NRXN2: variants seen among roughly 807,000 people sequenced by gnomAD.
The protein encoded by NRXN2 is neurexin 2.
NRXN2 carries 29 observed loss-of-function variants against 128.8 expected under a neutral mutation model. The observed-to-expected ratio is 0.23, with a 90% confidence interval of 0.17 to 0.31. The LOEUF (loss-of-function observed/expected upper bound fraction) is 0.31. Among genes scored for constraint, NRXN2 ranks in the 10% least tolerant of loss-of-function variants. NRXN2 has a pLI of 1.00. For synonymous variants in NRXN2, 1,098 were observed against 1,075.2 expected (o/e 1.02, Z -0.41); for missense variants, 1,881 against 2,452.6 (o/e 0.77, Z 4.92).
chr11:64,633,668 C>G (rs2044266488), intron 18 of NRXN2, among the ~76,000 whole-genome samples: 1 of 152,148 alleles, frequency 6.6e-6, no homozygotes, highest in South Asian at 2.1e-4. Context: ...TCTATAGATA[C>G]ACTCCATCAG....
intron 2 of NRXN2, among the ~76,000 whole-genome samples, chr11:64,706,775 C>T (rs1427560152): frequency 2.0e-5 from 3 of 152,086 alleles, no homozygotes; most frequent in South Asian, 2.1e-4. Context: ...AATCAATGTT[C>T]GAGGCCAATT....
chr11:64,698,162 C>T (rs188826503), intron 2 of NRXN2, among the ~76,000 whole-genome samples: 19 of 152,322 alleles, frequency 1.2e-4, no homozygotes, highest in African/African-American at 4.3e-4. Flanking sequence ...CCCAGAGAGG[C>T]TCCTACCCTG....
Position 64,653,714 on chromosome 11 carries a change from G to T in NRXN2, c.2398C>A (p.Arg800Ser). ...CACTTACTGGGTGCGCAGCCGACGC[G>T]CAGGCAGTCTGGGGGGGCCATGGGG... ...MKLTVNLDCLRVGCAPSKGPE... is the reference protein window; with the variant it reads ...MKLTVNLDCLSVGCAPSKGPE... The change falls in exon 12 of 23, where the codon CGC becomes AGC. Residue 800 changes from arginine to serine, a missense_variant. Physicochemically the swap from Arg to Ser is moderately radical, Grantham distance 110. This residue lies in a region of NRXN2 where 997 missense variants were observed against 1,240.8 expected (regional missense o/e 0.80). Transcript: ENST00000265459. 6.3e-7 allele frequency: 1 copy of T among 1,595,020 alleles called. No homozygotes were observed. The highest frequency in any genetic ancestry group is 1.1e-5 in the South Asian group (1 of 87,244).
chr11:64,665,011 G>A (rs1019059904), intron 9 of NRXN2, among the ~76,000 whole-genome samples: 2 of 139,390 alleles, frequency 1.4e-5, no homozygotes, highest in Non-Finnish European at 3.1e-5. Context: ...GGCCGGGCGC[G>A]GTGGCTCACG....
At chr11:64,704,623 C>CACACACAGAGAGAGAG (rs1336665936) in intron 2 of NRXN2, among the ~76,000 whole-genome samples, 8 of 81,206 alleles carry the variant, frequency 9.9e-5, no homozygotes, top group South Asian at 5.8e-4. Context: ...CACACACACA[C>CACACACAGAGAGAGAG]AGAGAGAGAG....
chr11:64,693,166 C>A (rs562351452), intron 3 of NRXN2, among the ~76,000 whole-genome samples: 1 of 111,042 alleles, frequency 9.0e-6, no homozygotes. Flanking sequence ...GAGAGGGGTA[C>A]AGGCAGAACT....
At chr11:64,608,275 C>T (rs2040035416) in intron 22 of NRXN2, among the ~76,000 whole-genome samples, 193 bp from the exon 23 acceptor site, 1 of 152,156 alleles carries the variant, frequency 6.6e-6, no homozygotes. Flanking sequence ...GGCTCAGATG[C>T]CCTGGGCACC....
Position 64,713,743 on chromosome 11 carries a change from A to T in NRXN2, c.-44T>A. 8.0e-6 allele frequency: 8 copies of T among 1,004,576 alleles called. No homozygotes were observed. The highest frequency in any genetic ancestry group is 9.5e-6 in the Non-Finnish European group (8 of 839,898). 62.2% of individuals were successfully genotyped at this position (1,004,576 alleles called of 1,614,324 possible). A position where few individuals can be genotyped will look rare whatever the true frequency, so the allele number is the denominator to read the frequency against. On this transcript the variant is annotated 5_prime_UTR_variant, in exon 2 of 23. Transcript: ENST00000265459. Reference sequence around the variant, plus strand: ...CCCGCCCGGCCCCCGGCCCCCGCTCAGGCTTCAGAGCCGCGGGCGCATGGG... The same window carrying T: ...CCCGCCCGGCCCCCGGCCCCCGCTCTGGCTTCAGAGCCGCGGGCGCATGGG...
At chr11:64,624,295 C>T (rs2042790985) in intron 20 of NRXN2, among the ~76,000 whole-genome samples, 1 of 152,250 alleles carries the variant, frequency 6.6e-6, no homozygotes, top group Non-Finnish European at 1.5e-5. Context: ...ACACCCAGGC[C>T]TCTGGGACAT....
chr11:64,645,029 T>C (rs2046421381), intron 17 of NRXN2, among the ~76,000 whole-genome samples: 1 of 151,916 alleles, frequency 6.6e-6, no homozygotes, highest in African/African-American at 2.4e-5. Context: ...AAGAAAGCGG[T>C]CCTCAGAGGC....
chr11:64,696,936 G>A (rs143351881), intron 3 of NRXN2, among the ~76,000 whole-genome samples: 1 of 152,312 alleles, frequency 6.6e-6, no homozygotes, highest in East Asian at 1.9e-4. Flanking sequence ...AAGCCAAATT[G>A]CAAGAGAAAG....
At chr11:64,614,853 G>A (rs1395591143) in intron 22 of NRXN2, among the ~76,000 whole-genome samples, 1 of 152,246 alleles carries the variant, frequency 6.6e-6, no homozygotes, top group Non-Finnish European at 1.5e-5. Flanking sequence ...GACTGGATGC[G>A]GTGGGCCACC....
intron 17 of NRXN2, among the ~76,000 whole-genome samples, chr11:64,645,141 T>G (rs2135431140): frequency 6.6e-6 from 1 of 152,310 alleles, no homozygotes; most frequent in African/African-American, 2.4e-5. Flanking sequence ...GGCCACGTCC[T>G]CCTGCCCTCT....
In NRXN2 at chr11:64,607,565, C is replaced by A. The variant is rs753250263; in HGVS notation, c.4770G>T (p.Pro1590=). Residue 1590 remains proline, a synonymous_variant, in exon 23 of 23, where the codon CCG becomes CCT. Transcript: ENST00000265459. The part of the protein sequence containing the change: ...LGPGAPTSFE[P]RRPPPLRPGV... The stretch of plus-strand genomic sequence containing the variant: ...CGGGGCGCAGGGGAGGGGGCCTCCG[C>A]GGCTCAAAGGACGTGGGGGCCCCGG... The A allele has an allele frequency of 1.0e-5, 16 of 1,536,842 alleles. No individual in the cohort carries two copies. The highest frequency in any genetic ancestry group is 1.4e-5 in the Non-Finnish European group (16 of 1,145,594).
intron 2 of NRXN2, among the ~76,000 whole-genome samples, chr11:64,709,655 A>G (rs1391343466): frequency 6.6e-6 from 1 of 152,028 alleles, no homozygotes; most frequent in African/African-American, 2.4e-5. Context: ...TCAAGCCTTT[A>G]TTCTCTCAAT....
rs1366527599 is a variant in NRXN2, at chr11:64,608,063, G to A, written c.4272C>T (p.Pro1424=). ...EPSTGGELIL[P]IITEDSLDPP... is the part of the protein sequence containing the mutation. ...GGTCTAAGGAGTCCTCCGTGATAAT[G>A]GGCAATATTAACTCTCCTCCTAGAA... Residue 1424 remains proline (P), a synonymous_variant, in exon 23 of 23, where the codon CCC becomes CCT. Transcript: ENST00000265459. 1.9e-6 allele frequency: 3 copies of A among 1,584,896 alleles called. No homozygotes were observed. The highest frequency in any genetic ancestry group is 2.6e-6 in the Non-Finnish European group (3 of 1,173,740).
At chr11:64,696,538 CA>C (rs1461042607) in intron 3 of NRXN2, among the ~76,000 whole-genome samples, 3 of 149,620 alleles carry the variant, frequency 2.0e-5, no homozygotes, top group Non-Finnish European at 4.5e-5. Flanking sequence ...TACACACACA[CA>C]CACACACACA....
At chr11:64,683,823 G>A (rs933373560) in intron 6 of NRXN2, among the ~76,000 whole-genome samples, 2 of 152,010 alleles carry the variant, frequency 1.3e-5, no homozygotes, top group African/African-American at 4.8e-5. Context: ...TTGGACTCTC[G>A]ACTCCGGGAA....
At chr11:64,693,906 AG>A (rs1427354185) in intron 3 of NRXN2, among the ~76,000 whole-genome samples, 1 of 152,174 alleles carries the variant, frequency 6.6e-6, no homozygotes, top group Non-Finnish European at 1.5e-5. Context: ...ATGACCCAAA[AG>A]CTGGATTTTG....
Sources: allele counts gnomAD v4.1 joint callset (sites outside exome capture counted in the v4.1 genomes callset), GRCh38; gene constraint gnomAD v4.1.1; regional missense constraint gnomAD v4.1.1; transcripts MANE v1.5; gene names NCBI Gene and HGNC (gene_info 2026-07-23, HGNC 2026-07-21).